Variants in NIBAN3 observed in about 807,000 individuals in gnomAD.
The protein encoded by NIBAN3 is protein Niban 3.
A neutral mutation model predicts 76.4 loss-of-function variants in NIBAN3; 66 were observed. That is an observed-to-expected ratio of 0.86 (90% CI 0.71 to 1.06). The LOEUF (loss-of-function observed/expected upper bound fraction) is 1.06, where lower values mean the gene tolerates loss of function less well. NIBAN3 is among the 50% of genes least tolerant of loss of function. The pLI is 0.00. For synonymous variants in NIBAN3, 360 were observed against 355.2 expected (o/e 1.01, Z -0.15); for missense variants, 808 against 810.7 (o/e 1.00, Z 0.04).
Position 17,551,846 on chromosome 19 carries a change from C to T in NIBAN3, c.1811C>T (p.Ala604Val). 1 of 780,300 alleles carries T rather than the reference C, an allele frequency of 1.3e-6. No homozygotes were observed. The highest frequency in any genetic ancestry group is 2.4e-5 in the East Asian group (1 of 41,232). The allele number at this position is 780,300 out of a possible 1,614,324, so 48.3% of individuals were successfully genotyped here. ...GACPRQPDSG[A>V]QIQPLCPPPS... ...TGTCCCAGGCAGCCAGACTCTGGTGCCCAGATCCAGCCACTCTGCCCACCG... is the reference window on the plus strand; with the variant it reads ...TGTCCCAGGCAGCCAGACTCTGGTGTCCAGATCCAGCCACTCTGCCCACCG... Residue 604 changes from alanine to valine, a missense_variant, in exon 15 of 15, where the codon GCC becomes GTC. Ala to Val is a moderately conservative substitution (Grantham distance 64). Transcript: ENST00000599164.
chr19:17,545,973 CTT>C (rs1041147539), intron 12 of NIBAN3: 9 of 443,324 alleles, frequency 2.0e-5, no homozygotes, highest in African/African-American at 1.8e-4. Context: ...TTCCTTGACA[CTT>C]TTCGCTACCG....
Position 17,542,052 on chromosome 19 carries a change from C to A in NIBAN3, c.1171-84C>A. The A allele has an allele frequency of 6.6e-7, 1 of 1,506,052 alleles. No homozygotes were observed. The allele number at this position is 1,506,052 out of a possible 1,614,324, so 93.3% of individuals were successfully genotyped here. ...GGATGTATTTTCATTTGTGTTTCTC[C>A]TTTGGTGAATTGGTAATGGGGTCCC... is the stretch of plus-strand genomic sequence containing the variant. On this transcript the variant is annotated intron_variant, in intron 9 of 14. Transcript: ENST00000599164. The surrounding 1 kb of genome is among the most constrained non-coding windows in gnomAD (Gnocchi z 4.8).
intron 14 of NIBAN3, among the ~76,000 whole-genome samples, 176 bp from the exon 15 acceptor site, chr19:17,551,610 G>A (rs1402557144): frequency 1.3e-5 from 2 of 152,048 alleles, no homozygotes; most frequent in Non-Finnish European, 2.9e-5. Context: ...GTTTCACCAT[G>A]TTGGCCAAGC....
At chr19:17,551,673 G>A in intron 14 of NIBAN3, 113 bp from the exon 15 acceptor site, 2 of 573,984 alleles carry the variant, frequency 3.5e-6, no homozygotes, top group South Asian at 2.0e-5. Flanking sequence ...TTACAGGCAT[G>A]AGCCATTGCG....
downstream of NIBAN3, chr19:17,553,680 T>A: frequency 1.2e-6 from 1 of 849,154 alleles, no homozygotes; most frequent in Non-Finnish European, 1.9e-6. Flanking sequence ...CCGGACGGGA[T>A]GTAGATGTTA....
At chr19:17,524,575 A>G (rs1003795765), upstream of NIBAN3, among the ~76,000 whole-genome samples, 1 of 152,192 alleles carries the variant, frequency 6.6e-6, no homozygotes, top group Non-Finnish European at 1.5e-5. Flanking sequence ...TTGAGCCACA[A>G]CAGCCAGCTG....
intron 1 of NIBAN3, among the ~76,000 whole-genome samples, chr19:17,527,694 G>A (rs886986294): frequency 2.0e-5 from 3 of 151,720 alleles, no homozygotes; most frequent in Admixed American, 2.0e-4. Flanking sequence ...CCACATGCAT[G>A]TACCACCATG....
At chr19:17,533,746 A>G in intron 4 of NIBAN3, 45 bp downstream of exon 4, 1 of 1,375,558 alleles carries the variant, frequency 7.3e-7, no homozygotes. Context: ...CCACCCCAGC[A>G]TCATTAACAT....
At chr19:17,525,990 G>T (rs1374775156), upstream of NIBAN3, among the ~76,000 whole-genome samples, 2 of 151,980 alleles carry the variant, frequency 1.3e-5, no homozygotes, top group Non-Finnish European at 2.9e-5. Context: ...GGAGGCGAAG[G>T]TGGCAGTGAG....
chr19:17,529,671 C>T (rs146813182), intron 1 of NIBAN3, among the ~76,000 whole-genome samples: 64 of 152,310 alleles, frequency 4.2e-4, no homozygotes, highest in African/African-American at 1.3e-3. Context: ...CATATGGGGA[C>T]ACTTTTGGGT....
chr19:17,532,425 C>T (rs1445467478), intron 3 of NIBAN3, 37 bp downstream of exon 3: 24 of 1,613,994 alleles, frequency 1.5e-5, no homozygotes, highest in Non-Finnish European at 1.9e-5. Flanking sequence ...ACTTCTGGGT[C>T]CCTCCTTCCC....
In NIBAN3 at chr19:17,540,552, G is replaced by C; in HGVS notation, c.1140G>C (p.Gln380His). The C allele has an allele frequency of 6.4e-7, 1 of 1,553,232 alleles. No individual in the cohort carries two copies. The highest frequency in any genetic ancestry group is 8.7e-7 in the Non-Finnish European group (1 of 1,148,808). The change falls in exon 9 of 15, where the codon CAG (glutamine) becomes CAC (histidine). Residue 380 changes from glutamine (Q) to histidine (H), a missense_variant. Coordinates refer to ENST00000599164, the MANE Select transcript of NIBAN3 (RefSeq NM_001321827.2). ...GMDRLSHRLR[Q>H]SPSGTRLRRE... is the part of the protein sequence containing the mutation. ...ACCGACTGTCCCACCGCCTGCGCCA[G>C]AGCCCCTCAGGCACGCGGCTGCGCA... is the stretch of plus-strand genomic sequence containing the variant.
chr19:17,541,903 C>T (rs1176567404), intron 9 of NIBAN3, among the ~76,000 whole-genome samples: 2 of 151,908 alleles, frequency 1.3e-5, no homozygotes, highest in African/African-American at 4.8e-5. Context: ...AGGCTGGTAT[C>T]GAACTCCTCA....
rs141221433 is a variant in NIBAN3 at position 17,527,350 on chromosome 19, C to T, written c.10C>T (p.Arg4Trp). 57 of 1,533,050 alleles carry T rather than the reference C, an allele frequency of 3.7e-5. No homozygotes were observed. The African/African-American group carries it at 5.4e-4, about 14-fold the overall frequency. 95.0% of individuals were successfully genotyped at this position (1,533,050 alleles called of 1,614,324 possible). ...GGGAGACGACAGCAGCATGGGTGGG[C>T]GGCCTTCGAGCCCTCTGGACAAGCA... MGG[R>W]PSSPLDKQQR... Residue 4 changes from arginine to tryptophan, a missense_variant, in exon 1 of 15, where the codon CGG becomes TGG. By Grantham distance (101) the Arg-to-Trp change is moderately radical. Transcript: ENST00000599164.
rs201992026 is a variant in NIBAN3, at chr19:17,527,302, G to T, written c.-39G>T. 1 of 1,550,608 alleles carries T rather than the reference G, an allele frequency of 6.4e-7. No homozygotes were observed. Among genetic ancestry groups the T allele is most frequent in the African/African-American group, 1.4e-5 (1 of 72,972 alleles). ...GAGCCGAGGAACGCAGGCGGTGGTC[G>T]TGGGGAAGGGAAGAGGAGCCCCGGG... On this transcript the variant is annotated 5_prime_UTR_variant, in exon 1 of 15. Coordinates refer to ENST00000599164, the MANE Select transcript of NIBAN3 (RefSeq NM_001321827.2).
At chr19:17,534,938 C>T (rs911979531) in intron 4 of NIBAN3, among the ~76,000 whole-genome samples, 4 of 152,150 alleles carry the variant, frequency 2.6e-5, no homozygotes, top group African/African-American at 7.2e-5. Context: ...TACCCCATTT[C>T]ACAGATAAGG....
downstream of NIBAN3, chr19:17,553,954 TCCACC>T (rs2076193412): frequency 1.3e-5 from 2 of 154,628 alleles, no homozygotes; most frequent in East Asian, 3.8e-4. Context: ...CACTGCAACC[TCCACC>T]TCCTGGGTTC....
At position 17,542,018 on chromosome 19, in the gene NIBAN3, G is replaced by A. The variant is rs2075961831; in HGVS notation, c.1171-118G>A. 7.9e-7 allele frequency: 1 copy of A among 1,258,368 alleles called. No homozygotes were observed. The highest frequency in any genetic ancestry group is 1.1e-6 in the Non-Finnish European group (1 of 875,676). 78.0% of individuals were successfully genotyped at this position (1,258,368 alleles called of 1,614,324 possible). Reference sequence around the variant, plus strand: ...TGTATTATGAGTTTCTTTGGTGACAGCTGAGACGGGATGTATTTTCATTTG... The same window carrying A: ...TGTATTATGAGTTTCTTTGGTGACAACTGAGACGGGATGTATTTTCATTTG... On this transcript the variant is annotated intron_variant, in intron 9 of 14. Coordinates refer to ENST00000599164, the MANE Select transcript of NIBAN3 (RefSeq NM_001321827.2). The surrounding 1 kb of genome is among the most constrained non-coding windows in gnomAD (Gnocchi z 4.8).
Position 17,549,498 on chromosome 19 carries a change from TG to T in NIBAN3, c.1723del (p.Glu575ArgfsTer78), listed in dbSNP as rs1251882029. ...GTATCCTGCACTCTGGACGGCTGCTTGGAGGTCCCATGGGAACAGGAGGGAG... is the reference window on the plus strand; with the variant it reads ...GTATCCTGCACTCTGGACGGCTGCTTGAGGTCCCATGGGAACAGGAGGGAG... ...NDVSCTLDGCLEVPWEQEGAD... is the reference protein window; with the variant it reads ...NDVSCTLDGCXEVPWEQEGAD... On this transcript the variant is annotated frameshift_variant, in exon 14 of 15. Transcript: ENST00000599164. LOFTEE classifies it low-confidence loss of function (END_TRUNC). 1 of 1,613,652 alleles carries T rather than the reference TG, an allele frequency of 6.2e-7. No homozygotes were observed. The highest frequency in any genetic ancestry group is 8.5e-7 in the Non-Finnish European group (1 of 1,179,780).
Sources: gnomAD v4.1 joint callset for allele counts (sites outside exome capture counted in the v4.1 genomes callset) on GRCh38, gnomAD v4.1.1 for gene constraint, Gnocchi (gnomAD v3.1) non-coding constraint, MANE v1.5 for transcripts, NCBI Gene and HGNC (gene_info 2026-07-23, HGNC 2026-07-21) for gene names.